The following CHN2 variants were observed in gnomAD, a reference collection of about 807,000 sequenced individuals.
CHN2 encodes chimerin 2.
Under a neutral mutation model 56.3 loss-of-function variants are expected in CHN2, and 35 were observed. The observed-to-expected ratio is 0.62, with a 90% CI of 0.47 to 0.82. CHN2 has a LOEUF of 0.82. Ranked by LOEUF, CHN2 falls within the 40% of genes least tolerant of loss-of-function variation. CHN2 has a pLI of 0.00. For synonymous variants in CHN2, 210 were observed against 212.8 expected, an observed-to-expected ratio of 0.99 and a Z score of 0.12; for missense variants, 491 against 580.5, an observed-to-expected ratio of 0.85 and a Z score of 1.58.
intron 2 of CHN2, among the ~76,000 whole-genome samples, chr7:29,170,864 T>G (rs1005033068): frequency 2.6e-5 from 4 of 152,146 alleles, no homozygotes; most frequent in Non-Finnish European, 5.9e-5. Flanking sequence ...AGAGAGAGCT[T>G]GTGCAGGAAA....
intron 6 of CHN2, chr7:29,445,026 A>G: frequency 7.0e-6 from 3 of 425,692 alleles, no homozygotes; most frequent in Non-Finnish European, 1.4e-5. Flanking sequence ...ATGAAGAGAT[A>G]GAGACAGAGG....
intron 6 of CHN2, among the ~76,000 whole-genome samples, chr7:29,454,129 G>C (rs1399128993): frequency 6.6e-6 from 1 of 152,160 alleles, no homozygotes; most frequent in African/African-American, 2.4e-5. Context: ...ATTTTATTAG[G>C]ACACTTCAAA....
rs529523356 is a variant in CHN2, at chr7:29,352,168, T to C, written c.50-2457T>C. On this transcript the variant is annotated intron_variant, in intron 1 of 12. Transcript: ENST00000222792. ...AAGATCTGCAGAAAGGGGAACTTCA[T>C]CTTCTGTCTTGAGACCTTCCCCGAG... Among the ~76,000 whole-genome samples, 56 of 152,254 alleles carry C rather than the reference T, an allele frequency of 3.7e-4. 1 individual carries two copies. The highest frequency in any genetic ancestry group is 1.8e-4 in the Non-Finnish European group (12 of 68,024).
At chr7:29,287,234 C>T (rs1405359348) in intron 1 of CHN2, among the ~76,000 whole-genome samples, 1 of 152,158 alleles carries the variant, frequency 6.6e-6, no homozygotes, top group Admixed American at 6.5e-5. Context: ...CTGAACTTTT[C>T]AGGTTTTGAG....
chr7:29,448,672 C>A (rs1004800947), intron 6 of CHN2, among the ~76,000 whole-genome samples: 1 of 152,308 alleles, frequency 6.6e-6, no homozygotes, highest in South Asian at 2.1e-4. Flanking sequence ...TTTGCAAATT[C>A]TATTCCCTTT....
At chr7:29,315,448 A>G (rs1006185624) in intron 1 of CHN2, among the ~76,000 whole-genome samples, 3 of 152,218 alleles carry the variant, frequency 2.0e-5, no homozygotes, top group East Asian at 3.8e-4. Flanking sequence ...AGTCTGCAGA[A>G]TTAAGCTGAT....
At chr7:29,312,971 T>C (rs1388262937) in intron 1 of CHN2, among the ~76,000 whole-genome samples, 2 of 152,306 alleles carry the variant, frequency 1.3e-5, no homozygotes, top group East Asian at 3.9e-4. Context: ...GGCTATGGTG[T>C]GACCATAGGA....
At position 29,507,246 on chromosome 7, in the gene CHN2, T is replaced by C. The variant is rs1790678361; in HGVS notation, c.1010T>C (p.Ile337Thr). ...AFDRDGEKAD[I>T]SANVYPDINI... The stretch of plus-strand genomic sequence containing the variant: ...TTTTCAGATGGTGAAAAGGCCGATA[T>C]ATCTGCCAATGTCTATCCAGACATA... The change falls in exon 11 of 13, where the codon ATA becomes ACA. Residue 337 changes from isoleucine (I) to threonine (T), a missense_variant. Ile to Thr is a moderately conservative substitution (Grantham distance 89, BLOSUM62 -1). Transcript: ENST00000222792. 6.2e-7 allele frequency: 1 copy of C among 1,608,950 alleles called. No individual in the cohort carries two copies. Among genetic ancestry groups the C allele is most frequent in the Non-Finnish European group, 8.5e-7 (1 of 1,178,600 alleles).
intron 3 of CHN2, among the ~76,000 whole-genome samples, chr7:29,371,509 CCAT>C (rs2128045089): frequency 6.6e-6 from 1 of 152,314 alleles, no homozygotes; most frequent in African/African-American, 2.4e-5. Flanking sequence ...ACTGCTTTTT[CCAT>C]CAACTATCAG....
chr7:29,301,335 A>C (rs1021305243), intron 1 of CHN2, among the ~76,000 whole-genome samples: 2 of 131,830 alleles, frequency 1.5e-5, no homozygotes, highest in Admixed American at 9.1e-5. Context: ...GCAGGGCCTC[A>C]AACAGGTACA....
intron 10 of CHN2, among the ~76,000 whole-genome samples, chr7:29,505,103 C>G (rs1790422671): frequency 6.6e-6 from 1 of 152,168 alleles, no homozygotes; most frequent in African/African-American, 2.4e-5. Flanking sequence ...CTCATTCTCT[C>G]AAAGCTCCAA....
chr7:29,222,643 T>G (rs1006738893), intron 1 of CHN2, among the ~76,000 whole-genome samples: 1 of 152,218 alleles, frequency 6.6e-6, no homozygotes. Flanking sequence ...TATAATCATG[T>G]GCCTGGATTA....
intron 1 of CHN2, among the ~76,000 whole-genome samples, chr7:29,268,254 A>G (rs1409711580): frequency 6.8e-6 from 1 of 147,526 alleles, no homozygotes; most frequent in Non-Finnish European, 1.5e-5. Flanking sequence ...TGGTTTTTAA[A>G]AAATGTCCTT....
rs149322783 is a variant in CHN2 at position 29,333,102 on chromosome 7, G to A, written c.50-21523G>A. On this transcript the variant is annotated intron_variant, in intron 1 of 12. Coordinates refer to ENST00000222792, the MANE Select transcript of CHN2 (RefSeq NM_004067.4). ...CAGGGAGAGGCATGCTTCTGTCTCC[G>A]ACAGTGGTAGTCTGTGGAGCTGGGA... 593 of 152,238 alleles carry A rather than the reference G, an allele frequency of 3.9e-3. 1 individual carries two copies. The highest frequency in any genetic ancestry group is 5.9e-3 in the Non-Finnish European group (404 of 68,040). 9.4% of individuals were successfully genotyped at this position (152,238 alleles called of 1,614,324 possible).
chr7:29,156,762 A>AT (rs1794430906), intron 2 of CHN2, among the ~76,000 whole-genome samples: 1 of 152,216 alleles, frequency 6.6e-6, no homozygotes, highest in Non-Finnish European at 1.5e-5. Flanking sequence ...AAATTATCAG[A>AT]TTTTTAGCTT....
chr7:29,417,367 G>C (rs1267179926), intron 6 of CHN2, among the ~76,000 whole-genome samples: 40 of 130,294 alleles, frequency 3.1e-4, no homozygotes, highest in Non-Finnish European at 2.5e-4. Context: ...ACAGAGTCTC[G>C]CTCTGTCCCC....
At chr7:29,366,031 G>A (rs1799132064) in intron 2 of CHN2, among the ~76,000 whole-genome samples, 1 of 152,186 alleles carries the variant, frequency 6.6e-6, no homozygotes, top group African/African-American at 2.4e-5. Flanking sequence ...CTGGTGTCTA[G>A]AGAAATAGGA....
chr7:29,310,403 T>C (rs1410520896), intron 1 of CHN2, among the ~76,000 whole-genome samples: 5 of 152,200 alleles, frequency 3.3e-5, no homozygotes, highest in Non-Finnish European at 7.3e-5. Flanking sequence ...TATTTGCAAT[T>C]AAAATGTATA....
chr7:29,485,516 GTTGTTCTCTCAGCC>G (rs980253968), intron 7 of CHN2, among the ~76,000 whole-genome samples: 2 of 152,080 alleles, frequency 1.3e-5, no homozygotes, highest in African/African-American at 4.8e-5. Context: ...AGACAGTGTG[GTTGTTCTCTCAGCC>G]TTAACCAAGA....
Sources: allele counts gnomAD v4.1 joint callset (sites outside exome capture counted in the v4.1 genomes callset), GRCh38; gene constraint gnomAD v4.1.1; transcripts MANE v1.5; gene names NCBI Gene and HGNC (gene_info 2026-07-23, HGNC 2026-07-21).